Variants in PPP1R13B observed in about 807,000 individuals in gnomAD.
The protein encoded by PPP1R13B is apoptosis-stimulating of p53 protein 1.
Under a neutral mutation model 119.8 loss-of-function variants are expected in PPP1R13B, and 44 were observed. The ratio of observed to expected loss-of-function variants is 0.37; its 90% CI spans 0.29 to 0.47. PPP1R13B has a LOEUF of 0.47. PPP1R13B is among the 20% of genes least tolerant of loss of function. PPP1R13B has a pLI of 0.99. For missense variants in PPP1R13B, 1,227 were observed against 1,413.5 expected, an observed-to-expected ratio of 0.87 and a Z score of 2.12; for synonymous variants, 542 against 561.5, an observed-to-expected ratio of 0.97 and a Z score of 0.49.
chr14:103,737,211 G>A (rs1176273656), intron 15 of PPP1R13B: 2 of 153,300 alleles, frequency 1.3e-5, no homozygotes, highest in Non-Finnish European at 2.9e-5. Context: ...ACAAGGGGCA[G>A]TGTGACCTTC....
intron 2 of PPP1R13B, among the ~76,000 whole-genome samples, chr14:103,791,818 TAAAAAGATTTTTA>T (rs1399077017): frequency 6.6e-6 from 1 of 152,230 alleles, no homozygotes; most frequent in Non-Finnish European, 1.5e-5. Flanking sequence ...CATATGCCTA[TAAAAAGATTTTTA>T]AAAGCAAGTG....
At chr14:103,772,043 C>G (rs760285133) in intron 4 of PPP1R13B, among the ~76,000 whole-genome samples, 2 of 152,146 alleles carry the variant, frequency 1.3e-5, no homozygotes, top group African/African-American at 2.4e-5. Flanking sequence ...TTCCCTGTTA[C>G]TAGAGATTAT....
intron 3 of PPP1R13B, among the ~76,000 whole-genome samples, chr14:103,780,893 C>T (rs1375093196): frequency 6.6e-6 from 1 of 151,560 alleles, no homozygotes; most frequent in Non-Finnish European, 1.5e-5. Flanking sequence ...CAAAACAAAA[C>T]ATGAGACAGC....
chr14:103,790,597 C>T (rs1040721366), intron 2 of PPP1R13B, among the ~76,000 whole-genome samples: 3 of 152,028 alleles, frequency 2.0e-5, no homozygotes, highest in Admixed American at 6.6e-5. Context: ...GGCAACATGG[C>T]AAAACCCCAT....
In PPP1R13B at chr14:103,742,869, T is replaced by C; in HGVS notation, c.1151-46A>G. ...TACGTAAAACTTTTCTCAATGTAGT[T>C]GAACCAACCTAAGAATAACACTCTG... is the stretch of plus-strand genomic sequence containing the variant. On this transcript the variant is annotated intron_variant, in intron 9 of 16. Transcript: ENST00000202556. This position sits in a 1 kb window ranked among gnomAD's most constrained non-coding sequence, Gnocchi z 4.9. The C allele has an allele frequency of 6.2e-7, 1 of 1,600,458 alleles. No homozygotes were observed. Among genetic ancestry groups the C allele is most frequent in the Non-Finnish European group, 8.5e-7 (1 of 1,170,484 alleles).
chr14:103,812,009 G>C (rs1595808773), intron 1 of PPP1R13B, among the ~76,000 whole-genome samples: 1 of 127,824 alleles, frequency 7.8e-6, no homozygotes, highest in Non-Finnish European at 1.6e-5. Flanking sequence ...GCGGTGAGCT[G>C]AGATTGAGCC....
At chr14:103,817,571 T>C (rs2086309197) in intron 1 of PPP1R13B, among the ~76,000 whole-genome samples, 1 of 151,532 alleles carries the variant, frequency 6.6e-6, no homozygotes, top group Non-Finnish European at 1.5e-5. Flanking sequence ...AGAGCTAAAT[T>C]TTTTTTTAAT....
intron 4 of PPP1R13B, among the ~76,000 whole-genome samples, chr14:103,762,335 G>C (rs1384818539): frequency 1.3e-5 from 2 of 151,770 alleles, no homozygotes; most frequent in African/African-American, 4.8e-5. Flanking sequence ...AACATCTACT[G>C]GCAAATGGGT....
At chr14:103,782,448 T>A (rs1021808070) in intron 3 of PPP1R13B, among the ~76,000 whole-genome samples, 1 of 152,242 alleles carries the variant, frequency 6.6e-6, no homozygotes, top group African/African-American at 2.4e-5. Flanking sequence ...CCTGTTTATA[T>A]ATCATTTTGT....
intron 1 of PPP1R13B, among the ~76,000 whole-genome samples, chr14:103,815,195 A>G (rs1246422489): frequency 6.6e-6 from 1 of 152,202 alleles, no homozygotes; most frequent in Non-Finnish European, 1.5e-5. Context: ...TTCACATATT[A>G]TATGATTCTG....
intron 1 of PPP1R13B, among the ~76,000 whole-genome samples, chr14:103,817,955 G>A (rs1268528938): frequency 6.6e-6 from 1 of 151,056 alleles, no homozygotes; most frequent in African/African-American, 2.4e-5. Flanking sequence ...TCATCTTGAT[G>A]AAACTACAGG....
chr14:103,825,039 A>T (rs1567153084), intron 1 of PPP1R13B, among the ~76,000 whole-genome samples: 1 of 152,182 alleles, frequency 6.6e-6, no homozygotes, highest in Non-Finnish European at 1.5e-5. Context: ...CCCATGTGTC[A>T]CAATTCTCTC....
chr14:103,736,717 T>G (rs1337145654), intron 15 of PPP1R13B: 9 of 155,328 alleles, frequency 5.8e-5, no homozygotes, highest in South Asian at 4.0e-4. Flanking sequence ...GACGGCAGCC[T>G]CCTCCTCACA....
Position 103,739,843 on chromosome 14 carries a change from T to G in PPP1R13B, c.2573A>C (p.His858Pro). 1 of 1,606,904 alleles carries G rather than the reference T, an allele frequency of 6.2e-7. No homozygotes were observed. Among genetic ancestry groups the G allele is most frequent in the Admixed American group, 1.7e-5 (1 of 59,586 alleles). The change falls in exon 12 of 17, where the codon CAC becomes CCC. Residue 858 changes from histidine (H) to proline (P), a missense_variant. By Grantham distance (77) the His-to-Pro change is moderately conservative. Transcript: ENST00000202556. ...ACCCACCGTGGAGGTGGCAGGAGGG[T>G]GGCTGGCAGGGGGAAGAGGTGCTGG... ...VPPAPLPPAS[H>P]PPATSTNKRT...
At chr14:103,784,458 C>CTGTA (rs2085403934) in intron 3 of PPP1R13B, among the ~76,000 whole-genome samples, 1 of 151,636 alleles carries the variant, frequency 6.6e-6, no homozygotes, top group Non-Finnish European at 1.5e-5. Context: ...TGGTGCACAC[C>CTGTA]TGTAGTCCCA....
chr14:103,785,455 T>C (rs1215168345), intron 2 of PPP1R13B, among the ~76,000 whole-genome samples: 1 of 151,652 alleles, frequency 6.6e-6, no homozygotes. Context: ...TGACCCCAGG[T>C]GATCCACCCG....
At chr14:103,800,854 C>T (rs1210932080) in intron 1 of PPP1R13B, among the ~76,000 whole-genome samples, 1 of 151,604 alleles carries the variant, frequency 6.6e-6, no homozygotes, top group Non-Finnish European at 1.5e-5. Context: ...CATTTTTTTT[C>T]TTCTTCTTTT....
rs1475158372 is a variant in PPP1R13B, at chr14:103,742,279, C to G, written c.1333G>C (p.Gly445Arg). The G allele has an allele frequency of 1.9e-6, 3 of 1,560,102 alleles. No homozygotes were observed. The South Asian group carries it at 3.5e-5, about 18-fold the overall frequency. The change falls in exon 11 of 17, where the codon GGT becomes CGT. Residue 445 changes from glycine to arginine, a missense_variant. Gly to Arg is a moderately radical substitution (Grantham distance 125, BLOSUM62 -2). Transcript: ENST00000202556. The surrounding 1 kb of genome is among the most constrained non-coding windows in gnomAD (Gnocchi z 4.9). The stretch of plus-strand genomic sequence containing the variant: ...CCCGGGATGGGAGGTGGCACTTTAC[C>G]AATCTCGATGCCCTAAGTTTAGGTG... Reference protein sequence around the residue: ...GPTEKPGIEIGKVPPPIPGVG... With the variant: ...GPTEKPGIEIRKVPPPIPGVG...
intron 9 of PPP1R13B, among the ~76,000 whole-genome samples, chr14:103,745,566 G>C (rs2084365359): frequency 6.6e-6 from 1 of 152,220 alleles, no homozygotes; most frequent in Non-Finnish European, 1.5e-5. Flanking sequence ...CTTGGCAGGG[G>C]CACCACCCAT....
Sources: gnomAD v4.1 joint callset for allele counts (sites outside exome capture counted in the v4.1 genomes callset) on GRCh38, gnomAD v4.1.1 for gene constraint, Gnocchi (gnomAD v3.1) non-coding constraint, MANE v1.5 for transcripts, NCBI Gene and HGNC (gene_info 2026-07-23, HGNC 2026-07-21) for gene names.